GSTA5: variants seen among roughly 807,000 people sequenced by gnomAD.
GSTA5 encodes glutathione S-transferase A5.
A neutral mutation model predicts 21.8 loss-of-function variants in GSTA5; 25 were observed. That is an observed-to-expected ratio of 1.14 (90% CI 0.83 to 1.60). GSTA5 has a LOEUF of 1.60. Ranked by LOEUF, GSTA5 falls within the 40% of genes most tolerant of loss-of-function variation. The probability of loss-of-function intolerance (pLI) is 0.00; values close to 1 mark genes in which losing one functional copy is unlikely to be tolerated. For synonymous variants in GSTA5, 102 were observed against 89.5 expected, an observed-to-expected ratio of 1.14 and a Z score of -0.78; for missense variants, 330 against 259.2, an observed-to-expected ratio of 1.27 and a Z score of -1.88.
chr6:52,834,247 G>A, exon 4 of GSTA5: 2 of 1,613,948 alleles, frequency 1.2e-6, no homozygotes, highest in Non-Finnish European at 1.7e-6. Flanking sequence ...GATCATTTCA[G>A]TCAAATCTAC....
At chr6:52,835,010 A>G (rs1375872040) in intron 3 of GSTA5, among the ~76,000 whole-genome samples, 1 of 152,180 alleles carries the variant, frequency 6.6e-6, no homozygotes, top group African/African-American at 2.4e-5. Flanking sequence ...ACCTTTATTG[A>G]CGTATGTTCA....
chr6:52,844,662 T>G (rs1764429379), upstream of GSTA5, among the ~76,000 whole-genome samples: 1 of 152,228 alleles, frequency 6.6e-6, no homozygotes, highest in Non-Finnish European at 1.5e-5. Flanking sequence ...TTGTTTAGTC[T>G]CTGAGCCTCA....
At chr6:52,843,590 A>G (rs1462699874), upstream of GSTA5, among the ~76,000 whole-genome samples, 3 of 152,240 alleles carry the variant, frequency 2.0e-5, no homozygotes, top group Middle Eastern at 3.2e-3. Flanking sequence ...GTGGGAGTCA[A>G]TAGTTTAGCC....
intron 5 of GSTA5, 77 bp downstream of exon 5, chr6:52,832,782 G>A: frequency 6.2e-7 from 1 of 1,602,572 alleles, no homozygotes; most frequent in South Asian, 1.1e-5. Context: ...TCAAAACATG[G>A]TCAGTCCCGG....
At chr6:52,845,917 G>C in the GSTA5 span, 2 of 152,596 alleles carry the variant, frequency 1.3e-5, no homozygotes, top group Admixed American at 6.5e-5. Context: ...TTCTTGAACT[G>C]TCACCCAAAC....
chr6:52,841,355 T>C (rs1265383915), upstream of GSTA5, among the ~76,000 whole-genome samples: 1 of 152,210 alleles, frequency 6.6e-6, no homozygotes, highest in East Asian at 1.9e-4. Context: ...CTGGAAGACA[T>C]CTGGGTGAAG....
rs746679261 is a variant in GSTA5 at position 52,837,610 on chromosome 6, C to A, written c.88-1G>T. On this transcript the variant is annotated splice_acceptor_variant, in intron 1 of 5. Coordinates refer to ENST00000370989, the Ensembl canonical transcript of GSTA5. LOFTEE classifies it high-confidence loss of function. The stretch of plus-strand genomic sequence containing the variant: ...CAGATTCTAGAAATTTCTCTTCCAA[C>A]TGGAAGCAGAAACAGTAAATGGGTT... 6 of 1,604,670 alleles carry A rather than the reference C, an allele frequency of 3.7e-6. No individual in the cohort carries two copies. The Admixed American group carries it at 5.0e-5, about 13-fold the overall frequency.
At chr6:52,836,447 A>G in intron 2 of GSTA5, 79 bp from the exon 3 acceptor site, 1 of 1,398,596 alleles carries the variant, frequency 7.2e-7, no homozygotes, top group South Asian at 1.3e-5. Context: ...GGTTATGGAA[A>G]TGACTAAATT....
exon 4 of GSTA5, chr6:52,834,215 G>C (rs1019897068): frequency 3.1e-6 from 5 of 1,613,696 alleles, no homozygotes; most frequent in Admixed American, 3.3e-5. Context: ...CTTTCCTCTG[G>C]TTGACATATG....
At chr6:52,834,200 C>T (rs759910242) in exon 4 of GSTA5, 13 of 1,614,038 alleles carry the variant, frequency 8.1e-6, no homozygotes, top group South Asian at 1.1e-5. Context: ...GCAGTCTTGG[C>T]ATCTCTTTCC....
upstream of GSTA5, chr6:52,840,880 A>G: frequency 7.0e-7 from 1 of 1,420,570 alleles, no homozygotes; most frequent in South Asian, 1.2e-5. Context: ...CGATAGAATC[A>G]AAAATGTACT....
At chr6:52,834,913 C>T (rs368747381) in intron 3 of GSTA5, among the ~76,000 whole-genome samples, 2 of 152,156 alleles carry the variant, frequency 1.3e-5, no homozygotes, top group African/African-American at 2.4e-5. Flanking sequence ...TCCCCTTCCC[C>T]GGTGAAATTC....
chr6:52,837,920 A>G (rs2127324553), intron 1 of GSTA5, among the ~76,000 whole-genome samples: 1 of 152,328 alleles, frequency 6.6e-6, no homozygotes, highest in East Asian at 1.9e-4. Context: ...TCTCCTAGTT[A>G]TGGTGTTGTC....
chr6:52,834,289 GAC>G lies in GSTA5; in HGVS notation c.273-9_273-8del. On this transcript the variant is annotated splice_polypyrimidine_tract_variant and splice_region_variant and intron_variant, in intron 3 of 5. Coordinates refer to ENST00000370989, the Ensembl canonical transcript of GSTA5. ...TTCTGTGTACATATCAATCCTGAAA[GAC>G]AAAAACAACCAAACCATCAAATGCC... 6.3e-7 allele frequency: 1 copy of G among 1,598,722 alleles called. No homozygotes were observed. Among genetic ancestry groups the G allele is most frequent in the South Asian group, 1.1e-5 (1 of 87,724 alleles).
chr6:52,837,762 G>A (rs1470153687), intron 1 of GSTA5, among the ~76,000 whole-genome samples, 153 bp from the exon 2 acceptor site: 1 of 152,220 alleles, frequency 6.6e-6, no homozygotes, highest in African/African-American at 2.4e-5. Context: ...CCATTTGGAA[G>A]TTTAGACCTA....
At chr6:52,838,816 G>T (rs566048576) in intron 1 of GSTA5, among the ~76,000 whole-genome samples, 1 of 152,244 alleles carries the variant, frequency 6.6e-6, no homozygotes, top group African/African-American at 2.4e-5. Flanking sequence ...AAATCTTCAA[G>T]CCTTAGATTC....
At chr6:52,845,602 G>A (rs1401812242), upstream of GSTA5, among the ~76,000 whole-genome samples, 1 of 152,134 alleles carries the variant, frequency 6.6e-6, no homozygotes, top group African/African-American at 2.4e-5. Flanking sequence ...TAGTCCTCCT[G>A]ACATTCAAAC....
exon 2 of GSTA5, chr6:52,837,577 ATCT>A (rs536307477): frequency 6.2e-7 from 1 of 1,608,632 alleles, no homozygotes; most frequent in East Asian, 2.2e-5. Flanking sequence ...ACTTGTCCAA[ATCT>A]TCTGCAGATT....
At chr6:52,837,478 T>C in intron 2 of GSTA5, 80 bp downstream of exon 2, 1 of 871,926 alleles carries the variant, frequency 1.1e-6, no homozygotes, top group Non-Finnish European at 1.9e-6. Context: ...CCCACACACA[T>C]AGGTATTCCT....
Sources: allele counts gnomAD v4.1 joint callset (sites outside exome capture counted in the v4.1 genomes callset), GRCh38; gene constraint gnomAD v4.1.1; transcripts MANE v1.5; gene names NCBI Gene and HGNC (gene_info 2026-07-23, HGNC 2026-07-21).